BDP1: variants seen among roughly 807,000 people sequenced by gnomAD.
BDP1 encodes the protein transcription factor TFIIIB component B'' homolog.
Under a neutral mutation model 266.6 loss-of-function variants are expected in BDP1, and 169 were observed. The ratio of observed to expected loss-of-function variants is 0.63; its 90% CI spans 0.56 to 0.72. BDP1 has a LOEUF of 0.72. BDP1 is among the 30% of genes least tolerant of loss of function. The pLI, the probability that BDP1 is intolerant of heterozygous loss-of-function variation, is 0.00. For missense variants in BDP1, 3,015 were observed against 3,053.8 expected, an observed-to-expected ratio of 0.99 and a Z score of 0.30; for synonymous variants, 1,090 against 1,022.4, an observed-to-expected ratio of 1.07 and a Z score of -1.26.
Position 71,510,486 on chromosome 5 carries a change from C to G in BDP1, c.3394C>G (p.Pro1132Ala). 6.2e-7 allele frequency: 1 copy of G among 1,613,536 alleles called. No homozygotes were observed. Among genetic ancestry groups the G allele is most frequent in the Non-Finnish European group, 8.5e-7 (1 of 1,179,892 alleles). Residue 1132 changes from proline (P) to alanine (A), a missense_variant, in exon 17 of 39, where the codon CCA (proline) becomes GCA (alanine). Around this residue, in one of 3 missense-constraint regions of BDP1, gnomAD observed 2,383 missense variants for 2,404.9 expected, o/e 0.99. Transcript: ENST00000358731. ...GREISPREKTPEVIDATEEID... is the reference protein window; with the variant it reads ...GREISPREKTAEVIDATEEID... ...GGAGATTTCCCCAAGGGAGAAGACA[C>G]CAGAGGTGATTGATGCCACTGAGGA...
At chr5:71,477,660 G>C (rs1239065131) in intron 7 of BDP1, among the ~76,000 whole-genome samples, 1 of 138,584 alleles carries the variant, frequency 7.2e-6, no homozygotes, top group Admixed American at 7.5e-5. Context: ...ACTCTCTGTT[G>C]CCCAGGCTGG....
In BDP1 at chr5:71,544,466, C is replaced by G. The variant is rs1273740544; in HGVS notation, c.6522C>G (p.Ile2174Met). 15 of 1,613,742 alleles carry G rather than the reference C, an allele frequency of 9.3e-6. No individual in the cohort carries two copies. Among genetic ancestry groups the G allele is most frequent in the Non-Finnish European group, 1.3e-5 (15 of 1,179,860 alleles). Reference sequence around the variant, plus strand: ...GCAAATTGGCATGTGTACATGGTATCAAAGGGACCAGTATTTCTTCAGAAG... The same window carrying G: ...GCAAATTGGCATGTGTACATGGTATGAAAGGGACCAGTATTTCTTCAGAAG... The part of the protein sequence containing the change: ...DQSKLACVHG[I>M]KGTSISSEVN... The change falls in exon 31 of 39, where the codon ATC (isoleucine) becomes ATG (methionine). Residue 2174 changes from isoleucine (I) to methionine (M), a missense_variant. By Grantham distance (10) the Ile-to-Met change is conservative. Coordinates refer to ENST00000358731, the MANE Select transcript of BDP1 (RefSeq NM_018429.3).
chr5:71,542,109 A>C lies in BDP1; in HGVS notation c.6256A>C (p.Thr2086Pro). 1 of 1,595,894 alleles carries C rather than the reference A, an allele frequency of 6.3e-7. No individual in the cohort carries two copies. The highest frequency in any genetic ancestry group is 1.8e-5 in the Admixed American group (1 of 54,702). The change falls in exon 30 of 39, where the codon ACA becomes CCA. Residue 2086 changes from threonine (T) to proline (P), a missense_variant. By Grantham distance (38) the Thr-to-Pro change is conservative (BLOSUM62 -1). Transcript: ENST00000358731. ...TTCTCTATCTTCTGTTTTTAGGAAT[A>C]CAATTTCTAAAGTGACCAGTAATTT... ...VKENATPTRN[T>P]ISKVTSNLRI...
Position 71,510,658 on chromosome 5 carries a change from T to G in BDP1, c.3566T>G (p.Val1189Gly). Residue 1189 changes from valine (V) to glycine (G), a missense_variant, in exon 17 of 39, where the codon GTG (valine) becomes GGG (glycine). By Grantham distance (109) the Val-to-Gly change is moderately radical. Coordinates refer to ENST00000358731, the MANE Select transcript of BDP1 (RefSeq NM_018429.3). ...EGSSREKTRE[V>G]IDAAEVIETD... Reference sequence around the variant, plus strand: ...TCCTCAAGGGAGAAGACACGAGAGGTGATTGATGCTGCTGAGGTAATAGAG... The same window carrying G: ...TCCTCAAGGGAGAAGACACGAGAGGGGATTGATGCTGCTGAGGTAATAGAG... 1 of 1,574,470 alleles carries G rather than the reference T, an allele frequency of 6.4e-7. No homozygotes were observed. Among genetic ancestry groups the G allele is most frequent in the Non-Finnish European group, 8.6e-7 (1 of 1,158,546 alleles).
chr5:71,577,502 C>CA, the BDP1 span, among the ~76,000 whole-genome samples: 2 of 152,296 alleles, frequency 1.3e-5, no homozygotes, highest in African/African-American at 4.8e-5. Context: ...GCAATTGCAG[C>CA]AGTAATTGTG....
In BDP1 at chr5:71,563,538, G is replaced by A. The variant is rs1743826115; in HGVS notation, c.7743+1018G>A. Among the ~76,000 whole-genome samples the A allele has an allele frequency of 2.0e-5, 3 of 152,042 alleles. No individual in the cohort carries two copies. The South Asian group carries it at 6.2e-4, about 32-fold the overall frequency. ...TTTGTCTTTTGATTTTATTTATGGT[G>A]GTTTTTGTCAAGCAGACATTTTTTA... On this transcript the variant is annotated intron_variant, in intron 38 of 38. Transcript: ENST00000358731.
At chr5:71,472,167 A>T (rs1762289411) in intron 7 of BDP1, among the ~76,000 whole-genome samples, 1 of 152,192 alleles carries the variant, frequency 6.6e-6, no homozygotes, top group African/African-American at 2.4e-5. Context: ...AAAGTGTAGA[A>T]AAGTGAGAGT....
intron 25 of BDP1, among the ~76,000 whole-genome samples, chr5:71,525,718 G>T (rs1462338941): frequency 6.7e-6 from 1 of 149,220 alleles, no homozygotes; most frequent in African/African-American, 2.5e-5. Context: ...GGACGGGGCG[G>T]CTGGCCAGGC....
At chr5:71,502,887 A>G (rs1764339279) in intron 15 of BDP1, 96 bp downstream of exon 15, 1 of 859,436 alleles carries the variant, frequency 1.2e-6, no homozygotes, top group South Asian at 1.9e-5. Context: ...ACATACATAC[A>G]TACATTTATT....
intron 11 of BDP1, among the ~76,000 whole-genome samples, chr5:71,493,468 C>G (rs1489373253): frequency 6.6e-6 from 1 of 152,050 alleles, no homozygotes; most frequent in Non-Finnish European, 1.5e-5. Flanking sequence ...CCAGGCTGGT[C>G]TCAAACTCCT....
chr5:71,544,338 A>G lies in BDP1; in HGVS notation c.6413-19A>G. The G allele has an allele frequency of 6.2e-7, 1 of 1,604,482 alleles. No individual in the cohort carries two copies. The highest frequency in any genetic ancestry group is 1.7e-5 in the Admixed American group (1 of 57,568). On this transcript the variant is annotated intron_variant, in intron 30 of 38. Coordinates refer to ENST00000358731, the MANE Select transcript of BDP1 (RefSeq NM_018429.3). ...CTGTATTATTTTGGTCTATATCGTA[A>G]GTGTGCTTTTTGTTTAAGAAACAGA...
At chr5:71,477,200 C>T (rs534030512) in intron 7 of BDP1, among the ~76,000 whole-genome samples, 12 of 151,742 alleles carry the variant, frequency 7.9e-5, no homozygotes, top group Admixed American at 2.6e-4. Context: ...CTTTGTTGCT[C>T]GGGCTGGAGT....
chr5:71,509,450 C>CTTTTTTTTTTTTTT lies in BDP1; in HGVS notation c.2373-5_2373-4insTTTTTTTTTTTTTT. On this transcript the variant is annotated splice_polypyrimidine_tract_variant and intron_variant, in intron 16 of 38. Transcript: ENST00000358731. Reference sequence around the variant, plus strand: ...GGTTTAAAACTTGATTGTGTGCCCCCTTTTTTTTTTATAGCGTTCAAGAGA... The same window carrying CTTTTTTTTTTTTTT: ...GGTTTAAAACTTGATTGTGTGCCCCCTTTTTTTTTTTTTTTTTTTTTTTTATAGCGTTCAAGAGA... 1 of 1,222,766 alleles carries CTTTTTTTTTTTTTT rather than the reference C, an allele frequency of 8.2e-7. No individual in the cohort carries two copies. The highest frequency in any genetic ancestry group is 1.1e-6 in the Non-Finnish European group (1 of 920,508). 75.7% of individuals were successfully genotyped at this position (1,222,766 alleles called of 1,614,324 possible).
At chr5:71,485,566 G>A (rs1199030059) in intron 8 of BDP1, among the ~76,000 whole-genome samples, 2 of 152,044 alleles carry the variant, frequency 1.3e-5, no homozygotes, top group East Asian at 3.8e-4. Context: ...CTTTTCTGAG[G>A]CTATCTTGTA....
Position 71,560,126 on chromosome 5 carries a change from A to T in BDP1, c.7385A>T (p.Gln2462Leu), listed in dbSNP as rs1743527567. 6.2e-7 allele frequency: 1 copy of T among 1,614,082 alleles called. No individual in the cohort carries two copies. Among genetic ancestry groups the T allele is most frequent in the Non-Finnish European group, 8.5e-7 (1 of 1,180,030 alleles). ...GCATGCATGGACAAGAATGTGCCTC[A>T]GTTACCTCAGGATGAAATGATTGTG... ...PDACMDKNVP[Q>L]LPQDEMIVSD... is the part of the protein sequence containing the mutation. The change falls in exon 37 of 39, where the codon CAG becomes CTG. Residue 2462 changes from glutamine to leucine, a missense_variant. This residue lies in a region of BDP1 where 629 missense variants were observed against 632.5 expected (regional missense o/e 0.99). Coordinates refer to ENST00000358731, the MANE Select transcript of BDP1 (RefSeq NM_018429.3).
chr5:71,537,046 T>G (rs1006294980), intron 26 of BDP1, among the ~76,000 whole-genome samples: 1 of 149,568 alleles, frequency 6.7e-6, no homozygotes, highest in African/African-American at 2.5e-5. Context: ...GAGAATTGCT[T>G]GAACCCAGGA....
chr5:71,563,023 G>T, intron 38 of BDP1: 1 of 452,812 alleles, frequency 2.2e-6, no homozygotes, highest in Non-Finnish European at 3.4e-6. Context: ...CTTTGGAAGG[G>T]GTACTTTTGT....
Position 71,523,057 on chromosome 5 carries a change from A to G in BDP1, c.5387+108A>G, listed in dbSNP as rs1765590387. 12 of 749,438 alleles carry G rather than the reference A, an allele frequency of 1.6e-5. No homozygotes were observed. The East Asian group carries it at 3.3e-4, about 21-fold the overall frequency. The allele number at this position is 749,438 out of a possible 1,614,324, so 46.4% of individuals were successfully genotyped here. On this transcript the variant is annotated intron_variant, in intron 24 of 38. Coordinates refer to ENST00000358731, the MANE Select transcript of BDP1 (RefSeq NM_018429.3). The stretch of plus-strand genomic sequence containing the variant: ...TTTTTGGGTGTTGAGTCCATTAGAC[A>G]TGGGTAGAAACTTGACCAAAGAGGA...
At chr5:71,478,352 C>T (rs958136030) in intron 7 of BDP1, among the ~76,000 whole-genome samples, 3 of 152,104 alleles carry the variant, frequency 2.0e-5, no homozygotes, top group African/African-American at 7.2e-5. Flanking sequence ...TAGAAAAAAG[C>T]TAGTTTTTAG....
Sources: gnomAD v4.1 joint callset for allele counts (sites outside exome capture counted in the v4.1 genomes callset) on GRCh38, gnomAD v4.1.1 for gene constraint, gnomAD v4.1.1 regional missense constraint, MANE v1.5 for transcripts, NCBI Gene and HGNC (gene_info 2026-07-23, HGNC 2026-07-21) for gene names.